Variants in RBFOX1 observed in about 807,000 individuals in gnomAD.
RBFOX1 encodes the protein RNA binding fox-1 homolog 1.
Under a neutral mutation model 57.7 loss-of-function variants are expected in RBFOX1, and 8 were observed. That is an observed-to-expected ratio of 0.14 (90% CI 0.08 to 0.25). The LOEUF is 0.25. Ranked by LOEUF, RBFOX1 falls within the 10% of genes least tolerant of loss-of-function variation. The pLI, the probability that RBFOX1 is intolerant of heterozygous loss-of-function variation, is 1.00. For missense variants in RBFOX1, 611 were observed against 548.5 expected (o/e 1.11, Z -1.14); for synonymous variants, 326 against 222.4 (o/e 1.47, Z -4.15).
rs960474171 is a variant in RBFOX1 at position 5,918,065 on chromosome 16, A to C, written c.351+50730A>C. Among the ~76,000 whole-genome samples the C allele has an allele frequency of 2.6e-5, 4 of 152,062 alleles. No individual in the cohort carries two copies. The East Asian group carries it at 7.7e-4, about 29-fold the overall frequency. On this transcript the variant is annotated intron_variant, in intron 4 of 19. Transcript: ENST00000641259. ...ACAGGTCAAATTCCATGTCCCAAGC[A>C]CTCAGTCAGCAACAGCCTGCAGTTC...
intron 3 of RBFOX1, among the ~76,000 whole-genome samples, chr16:5,770,666 C>T (rs1275183770): frequency 6.6e-6 from 1 of 152,198 alleles, no homozygotes; most frequent in South Asian, 2.1e-4. Context: ...TGAATTCTTT[C>T]CTGCACATAG....
chr16:7,152,127 A>G (rs1601150933), intron 4 of RBFOX1, among the ~76,000 whole-genome samples: 1 of 152,206 alleles, frequency 6.6e-6, no homozygotes, highest in Non-Finnish European at 1.5e-5. Context: ...ATAAAACAAA[A>G]GAAGGTGTCA....
chr16:5,309,205 G>A (rs2064017305), intron 1 of RBFOX1, among the ~76,000 whole-genome samples: 1 of 152,126 alleles, frequency 6.6e-6, no homozygotes, highest in Admixed American at 6.5e-5. Flanking sequence ...AAATGGTTTT[G>A]CTTTTGGAAC....
At chr16:7,088,039 C>T (rs763457589) in intron 4 of RBFOX1, among the ~76,000 whole-genome samples, 1 of 152,016 alleles carries the variant, frequency 6.6e-6, no homozygotes, top group Non-Finnish European at 1.5e-5. Context: ...TACATGTGCT[C>T]GCATTTCCAG....
chr16:5,897,422 C>G (rs760544078), intron 4 of RBFOX1, among the ~76,000 whole-genome samples: 6 of 152,198 alleles, frequency 3.9e-5, no homozygotes, highest in Non-Finnish European at 7.3e-5. Context: ...GTCTTACATA[C>G]TTAATCTTCA....
intron 3 of RBFOX1, among the ~76,000 whole-genome samples, chr16:6,788,977 T>A (rs1014486720): frequency 6.6e-6 from 1 of 152,144 alleles, no homozygotes; most frequent in Non-Finnish European, 1.5e-5. Flanking sequence ...CAATGGGACA[T>A]GTGGTTTTAT....
At chr16:6,433,941 G>A (rs537812981) in intron 2 of RBFOX1, among the ~76,000 whole-genome samples, 3 of 148,468 alleles carry the variant, frequency 2.0e-5, no homozygotes, top group South Asian at 2.2e-4. Context: ...TCCACCTCCC[G>A]GGTTCAAGCA....
chr16:5,626,040 C>G (rs1301661238), intron 3 of RBFOX1, among the ~76,000 whole-genome samples: 1 of 152,166 alleles, frequency 6.6e-6, no homozygotes, highest in Non-Finnish European at 1.5e-5. Context: ...CCACGCCTGG[C>G]TAATTTTGTA....
At position 5,943,516 on chromosome 16, in the gene RBFOX1, C is replaced by A. The variant is rs930862700; in HGVS notation, c.351+76181C>A. Reference sequence around the variant, plus strand: ...TAACTGAAACTCAGGGCATCCTATGCCAGAAACAGGAGGGAAGAAGAGGTC... The same window carrying A: ...TAACTGAAACTCAGGGCATCCTATGACAGAAACAGGAGGGAAGAAGAGGTC... On this transcript the variant is annotated intron_variant, in intron 4 of 19. Transcript: ENST00000641259. Among the ~76,000 whole-genome samples, 8 of 152,252 alleles carry A rather than the reference C, an allele frequency of 5.3e-5. No individual in the cohort carries two copies. The South Asian group carries it at 1.7e-3, about 32-fold the overall frequency.
intron 9 of RBFOX1, among the ~76,000 whole-genome samples, chr16:7,605,235 T>A (rs1245781950): frequency 6.6e-6 from 1 of 152,126 alleles, no homozygotes; most frequent in African/African-American, 2.4e-5. Context: ...TAAAACACAT[T>A]CTGAAATGTC....
chr16:7,469,028 G>A (rs2061054297), intron 4 of RBFOX1, among the ~76,000 whole-genome samples: 1 of 151,990 alleles, frequency 6.6e-6, no homozygotes, highest in African/African-American at 2.4e-5. Flanking sequence ...CCACCGCCCA[G>A]GTTCACACCA....
At chr16:7,297,999 A>AATCGT (rs1257000615) in intron 4 of RBFOX1, among the ~76,000 whole-genome samples, 1 of 152,190 alleles carries the variant, frequency 6.6e-6, no homozygotes, top group African/African-American at 2.4e-5. Context: ...GTTTTTAAAG[A>AATCGT]ATCGTAGAGT....
chr16:7,113,215 T>C (rs1471860897), intron 4 of RBFOX1, among the ~76,000 whole-genome samples: 1 of 152,092 alleles, frequency 6.6e-6, no homozygotes, highest in Non-Finnish European at 1.5e-5. Context: ...AGACCTGGAG[T>C]CTGCATATTC....
chr16:7,443,688 T>A (rs1262602053), intron 4 of RBFOX1, among the ~76,000 whole-genome samples: 1 of 152,224 alleles, frequency 6.6e-6, no homozygotes, highest in East Asian at 1.9e-4. Context: ...ATATATCTAC[T>A]TTTCACAAAC....
chr16:6,886,071 T>C (rs562985543), intron 3 of RBFOX1, among the ~76,000 whole-genome samples: 2 of 151,390 alleles, frequency 1.3e-5, no homozygotes, highest in African/African-American at 2.4e-5. Flanking sequence ...TTTTTCTTTT[T>C]TTTTTTTTTG....
chr16:6,247,337 C>G lies in RBFOX1; in HGVS notation c.-126-69658C>G, dbSNP rs113940040. ...TTGGTCTTGAATCACGTGGTCTCTT[C>G]TCTTGTTCAGACTTTGGCAGCTGGT... On this transcript the variant is annotated intron_variant, in intron 1 of 15. Coordinates refer to ENST00000550418, the MANE Select transcript of RBFOX1 (RefSeq NM_018723.4). Among the ~76,000 whole-genome samples, 1,399 of 152,296 alleles carry G rather than the reference C, an allele frequency of 9.2e-3. 10 individuals are homozygous for G. Among genetic ancestry groups the G allele is most frequent in the Middle Eastern group, 0.02 (6 of 294 alleles).
chr16:6,024,586 A>G (rs1439464691), intron 1 of RBFOX1, among the ~76,000 whole-genome samples: 1 of 152,094 alleles, frequency 6.6e-6, no homozygotes, highest in Non-Finnish European at 1.5e-5. Context: ...CCTCCTGGGT[A>G]CAAGTGATTA....
At chr16:7,324,964 T>G (rs1691980663) in intron 4 of RBFOX1, among the ~76,000 whole-genome samples, 1 of 152,234 alleles carries the variant, frequency 6.6e-6, no homozygotes, top group South Asian at 2.1e-4. Flanking sequence ...ACCTATCCTT[T>G]GTTAATTCCT....
chr16:5,359,098 C>T (rs923677760), intron 1 of RBFOX1, among the ~76,000 whole-genome samples: 8 of 152,224 alleles, frequency 5.3e-5, no homozygotes, highest in Admixed American at 2.0e-4. Context: ...TTTCACTTAG[C>T]ATAGTGACCT....
Sources: allele counts gnomAD v4.1 joint callset (sites outside exome capture counted in the v4.1 genomes callset), GRCh38; gene constraint gnomAD v4.1.1; transcripts MANE v1.5; gene names NCBI Gene and HGNC (gene_info 2026-07-23, HGNC 2026-07-21).